The following TENM4 variants were observed in gnomAD, a reference collection of about 807,000 sequenced individuals.
TENM4 encodes the protein teneurin transmembrane protein 4.
A neutral mutation model predicts 243.3 loss-of-function variants in TENM4; 82 were observed. The ratio of observed to expected loss-of-function variants is 0.34; its 90% CI spans 0.28 to 0.40. TENM4 has a LOEUF of 0.40. TENM4 is among the 10% of genes least tolerant of loss of function. The pLI, the probability that TENM4 is intolerant of heterozygous loss-of-function variation, is 1.00. For missense variants in TENM4, 3,138 were observed against 3,673.3 expected, an observed-to-expected ratio of 0.85 and a Z score of 3.77; for synonymous variants, 1,412 against 1,456.3, an observed-to-expected ratio of 0.97 and a Z score of 0.69.
At chr11:79,109,990 C>G (rs951461659) in intron 4 of TENM4, among the ~76,000 whole-genome samples, 1 of 152,232 alleles carries the variant, frequency 6.6e-6, no homozygotes, top group Admixed American at 6.5e-5. Flanking sequence ...TACTTTCTAT[C>G]CACCTTCTTC....
intron 18 of TENM4, among the ~76,000 whole-genome samples, chr11:78,761,082 C>T (rs117266977): frequency 1.2e-3 from 180 of 152,080 alleles, no homozygotes; most frequent in South Asian, 7.3e-3. Flanking sequence ...GTTAAGTTCT[C>T]GGGAGTGGTC....
In TENM4 at chr11:78,974,775, C is replaced by T. The variant is rs542998550; in HGVS notation, c.494-71252G>A. Reference sequence around the variant, plus strand: ...CCAGACTGGAGGGCAGTGACGTGAGCGCCTGGGCTCAAGTGATTCCTGTGC... The same window carrying T: ...CCAGACTGGAGGGCAGTGACGTGAGTGCCTGGGCTCAAGTGATTCCTGTGC... On this transcript the variant is annotated intron_variant, in intron 6 of 33. Coordinates refer to ENST00000278550, the MANE Select transcript of TENM4 (RefSeq NM_001098816.3). Among the ~76,000 whole-genome samples the T allele has an allele frequency of 4.7e-5, 7 of 149,202 alleles. No individual in the cohort carries two copies. In the South Asian group the frequency reaches 1.1e-3, roughly 22 times the overall value.
intron 12 of TENM4, among the ~76,000 whole-genome samples, chr11:78,849,959 G>A (rs1258584522): frequency 6.6e-6 from 1 of 152,112 alleles, no homozygotes; most frequent in East Asian, 1.9e-4. Context: ...CCAGGACCAG[G>A]GTCAGTACCC....
At chr11:79,242,404 G>T (rs1855437667) in intron 2 of TENM4, among the ~76,000 whole-genome samples, 1 of 152,046 alleles carries the variant, frequency 6.6e-6, no homozygotes, top group African/African-American at 2.4e-5. Flanking sequence ...AACCAGAAAG[G>T]TGGAAAGAAA....
intron 3 of TENM4, among the ~76,000 whole-genome samples, chr11:79,192,700 A>T (rs1373966098): frequency 6.6e-6 from 1 of 151,824 alleles, no homozygotes; most frequent in African/African-American, 2.4e-5. Flanking sequence ...GTGTCCTATG[A>T]CCCTGCCAAA....
chr11:78,876,689 A>G (rs1859275444), intron 9 of TENM4, among the ~76,000 whole-genome samples: 1 of 152,190 alleles, frequency 6.6e-6, no homozygotes, highest in African/African-American at 2.4e-5. Flanking sequence ...TGGCTGTCCA[A>G]GAAAGTATGG....
At chr11:78,733,197 A>T (rs192657520) in intron 20 of TENM4, among the ~76,000 whole-genome samples, 285 of 152,358 alleles carry the variant, frequency 1.9e-3, no homozygotes, top group Middle Eastern at 3.4e-3. Context: ...AATTAGAAAC[A>T]CAGTATCTTA....
rs117857030 is a variant in TENM4 at position 79,056,153 on chromosome 11, C to T, written c.493+8585G>A. ...GGAAAAATGCTTCTGAAACATCTTT[C>T]GGTAGGAAGTTTGTCATCATGCATG... On this transcript the variant is annotated intron_variant, in intron 6 of 33. Coordinates refer to ENST00000278550, the MANE Select transcript of TENM4 (RefSeq NM_001098816.3). Among the ~76,000 whole-genome samples the T allele has an allele frequency of 7.0e-3, 1,070 of 152,300 alleles. 22 individuals are homozygous for T. Among genetic ancestry groups the T allele is most frequent in the Non-Finnish European group, 5.2e-3 (355 of 68,030 alleles).
At chr11:78,971,016 A>T (rs1401095923) in intron 6 of TENM4, among the ~76,000 whole-genome samples, 3 of 151,942 alleles carry the variant, frequency 2.0e-5, no homozygotes, top group Non-Finnish European at 4.4e-5. Context: ...TTATTTATTT[A>T]AAAAATTTAT....
At chr11:79,145,619 G>A (rs1862382634) in intron 4 of TENM4, among the ~76,000 whole-genome samples, 1 of 152,018 alleles carries the variant, frequency 6.6e-6, no homozygotes, top group Non-Finnish European at 1.5e-5. Context: ...ATGTGTTTTG[G>A]TGGATATCTG....
chr11:78,951,609 TC>T (rs1857110025), intron 6 of TENM4, among the ~76,000 whole-genome samples: 1 of 152,186 alleles, frequency 6.6e-6, no homozygotes, highest in Non-Finnish European at 1.5e-5. Context: ...TGGTGAGGGC[TC>T]TCTTCGTGGC....
chr11:78,925,717 G>A (rs1253278312), intron 6 of TENM4, among the ~76,000 whole-genome samples: 2 of 152,098 alleles, frequency 1.3e-5, no homozygotes, highest in Admixed American at 6.6e-5. Context: ...CTACCCTCAA[G>A]TCCAAGTTTC....
chr11:78,984,171 T>C (rs1857866818), intron 6 of TENM4, among the ~76,000 whole-genome samples: 1 of 152,184 alleles, frequency 6.6e-6, no homozygotes, highest in South Asian at 2.1e-4. Context: ...TAATCTGTAA[T>C]AGGTGACTTA....
At chr11:78,766,747 G>A (rs920451688) in intron 18 of TENM4, among the ~76,000 whole-genome samples, 1 of 144,468 alleles carries the variant, frequency 6.9e-6, no homozygotes, top group Non-Finnish European at 1.5e-5. Flanking sequence ...CTGTTGCCCT[G>A]GCTGGAGCGC....
At chr11:78,864,951 G>A (rs1007049245) in intron 9 of TENM4, among the ~76,000 whole-genome samples, 1 of 152,158 alleles carries the variant, frequency 6.6e-6, no homozygotes, top group African/African-American at 2.4e-5. Flanking sequence ...CGCTAGGGGG[G>A]CTAGAAGAAC....
chr11:79,363,812 T>G (rs1198456858), intron 1 of TENM4, among the ~76,000 whole-genome samples: 3 of 152,250 alleles, frequency 2.0e-5, no homozygotes, highest in Non-Finnish European at 4.4e-5. Flanking sequence ...CATCTAATTT[T>G]TATGTAGTAT....
At chr11:78,845,423 C>T (rs1010507113) in intron 12 of TENM4, among the ~76,000 whole-genome samples, 27 of 152,250 alleles carry the variant, frequency 1.8e-4, no homozygotes, top group African/African-American at 6.5e-4. Context: ...TAATACAGCC[C>T]GCATCTAAAC....
chr11:78,757,559 CAGG>C (rs1565366160), intron 18 of TENM4, among the ~76,000 whole-genome samples: 1 of 152,206 alleles, frequency 6.6e-6, no homozygotes, highest in East Asian at 1.9e-4. Context: ...GGGAGCCAGA[CAGG>C]AGAAGAGGGC....
chr11:79,255,440 A>G (rs1855683743), intron 2 of TENM4, among the ~76,000 whole-genome samples: 1 of 152,246 alleles, frequency 6.6e-6, no homozygotes, highest in Non-Finnish European at 1.5e-5. Context: ...AGATATTTAT[A>G]CATGCAAAGA....
Sources: allele counts gnomAD v4.1 joint callset (sites outside exome capture counted in the v4.1 genomes callset), GRCh38; gene constraint gnomAD v4.1.1; transcripts MANE v1.5; gene names NCBI Gene and HGNC (gene_info 2026-07-23, HGNC 2026-07-21).